The following AASS variants were observed in gnomAD, a reference collection of about 807,000 sequenced individuals.
The protein encoded by AASS is alpha-aminoadipic semialdehyde synthase, mitochondrial.
A neutral mutation model predicts 105.4 loss-of-function variants in AASS; 86 were observed. That is an observed-to-expected ratio of 0.82 (90% CI 0.69 to 0.98). The LOEUF (loss-of-function observed/expected upper bound fraction) is 0.98, where lower values mean the gene tolerates loss of function less well. Among genes scored for constraint, AASS ranks in the 50% least tolerant of loss-of-function variants. The pLI is 0.00. For missense variants in AASS, 1,048 were observed against 1,143.2 expected (o/e 0.92, Z 1.20); for synonymous variants, 381 against 394.8 (o/e 0.96, Z 0.41).
intron 15 of AASS, among the ~76,000 whole-genome samples, chr7:122,093,872 T>G (rs1794021336): frequency 6.6e-6 from 1 of 152,038 alleles, no homozygotes; most frequent in African/African-American, 2.4e-5. Flanking sequence ...GATTAAAAAA[T>G]GTAGTACATA....
intron 19 of AASS, among the ~76,000 whole-genome samples, chr7:122,082,272 A>C (rs1424131529): frequency 3.3e-5 from 5 of 151,886 alleles, no homozygotes; most frequent in African/African-American, 7.3e-5. Flanking sequence ...ATGCTCATCT[A>C]GCCTAACTCA....
intron 18 of AASS, among the ~76,000 whole-genome samples, chr7:122,089,659 C>T (rs1793802695): frequency 6.6e-6 from 1 of 152,112 alleles, no homozygotes; most frequent in Non-Finnish European, 1.5e-5. Context: ...TGTGACCTCA[C>T]TGACTAAGAA....
At chr7:122,104,103 T>G (rs1443284263) in intron 11 of AASS, among the ~76,000 whole-genome samples, 1 of 152,094 alleles carries the variant, frequency 6.6e-6, no homozygotes, top group Non-Finnish European at 1.5e-5. Context: ...AGTAAGTCCT[T>G]GGCATATCAA....
At chr7:122,100,234 C>A (rs2150523243) in intron 13 of AASS, among the ~76,000 whole-genome samples, 1 of 151,956 alleles carries the variant, frequency 6.6e-6, no homozygotes, top group Non-Finnish European at 1.5e-5. Flanking sequence ...AAATATGACA[C>A]ATAAGAGAGA....
chr7:122,075,630 AT>A lies in AASS; in HGVS notation c.*858del, dbSNP rs1234088475. The A allele has an allele frequency of 1.3e-5, 2 of 151,908 alleles. No individual in the cohort carries two copies. The highest frequency in any genetic ancestry group is 2.4e-5 in the African/African-American group (1 of 41,350). The allele number at this position is 151,908 out of a possible 1,614,324, so 9.4% of individuals were successfully genotyped here. A position where few individuals can be genotyped will look rare whatever the true frequency, so the allele number is the denominator to read the frequency against. On this transcript the variant is annotated 3_prime_UTR_variant, in exon 24 of 24. Coordinates refer to ENST00000417368, the MANE Select transcript of AASS (RefSeq NM_005763.4). ...ATTCCTAGTTTGTTGAGGGTTTTTT[AT>A]TTTTTATTTTTTATTGTGAAAGGGT...
chr7:122,119,433 T>C (rs966640092), intron 4 of AASS, among the ~76,000 whole-genome samples: 1 of 152,186 alleles, frequency 6.6e-6, no homozygotes, highest in Non-Finnish European at 1.5e-5. Flanking sequence ...CACCTTTTTA[T>C]GTCTGTCTCA....
In AASS at chr7:122,076,291, G is replaced by C; in HGVS notation, c.*198C>G. 2 of 553,944 alleles carry C rather than the reference G, an allele frequency of 3.6e-6. No homozygotes were observed. Among genetic ancestry groups the C allele is most frequent in the Non-Finnish European group, 6.4e-6 (2 of 312,220 alleles). The allele number at this position is 553,944 out of a possible 1,614,324, so 34.3% of individuals were successfully genotyped here. ...TAAAATACAGGGTAGAATTATTAAA[G>C]TTCTCTGTTAGTGGCTTGCATCTCC... On this transcript the variant is annotated 3_prime_UTR_variant, in exon 24 of 24. Coordinates refer to ENST00000417368, the MANE Select transcript of AASS (RefSeq NM_005763.4).
In AASS at chr7:122,078,849, CT is replaced by C. The variant is rs1234928745; in HGVS notation, c.2485+12del. 4.3e-6 allele frequency: 7 copies of C among 1,609,962 alleles called. No individual in the cohort carries two copies. The highest frequency in any genetic ancestry group is 6.0e-6 in the Non-Finnish European group (7 of 1,176,376). ...CTTCTTTAGGTATATTTAGCTAATA[CT>C]TCATGGCCTACCATAGGAAAGCTTC... is the stretch of plus-strand genomic sequence containing the variant. On this transcript the variant is annotated intron_variant, in intron 22 of 23. Coordinates refer to ENST00000417368, the MANE Select transcript of AASS (RefSeq NM_005763.4).
chr7:122,133,767 G>A, intron 1 of AASS, 26 bp from the exon 2 acceptor site: 1 of 1,592,144 alleles, frequency 6.3e-7, no homozygotes, highest in Non-Finnish European at 8.6e-7. Context: ...AAAGAGCAGA[G>A]CAACAAAAGG....
chr7:122,143,987 T>C (rs370693341), intron 1 of AASS, among the ~76,000 whole-genome samples, 174 bp downstream of exon 1: 1 of 152,012 alleles, frequency 6.6e-6, no homozygotes, highest in African/African-American at 2.4e-5. Flanking sequence ...CTCGCCGCCT[T>C]CTCCCTCTCT....
chr7:122,143,151 T>A (rs1443576381), intron 1 of AASS, among the ~76,000 whole-genome samples: 1 of 152,094 alleles, frequency 6.6e-6, no homozygotes. Flanking sequence ...ATCAGTGTTT[T>A]GGGATTTTTT....
At chr7:122,098,418 A>T (rs750097370) in intron 15 of AASS, 32 bp downstream of exon 15, 4 of 1,610,366 alleles carry the variant, frequency 2.5e-6, no homozygotes, top group Non-Finnish European at 3.4e-6. Context: ...TAACAACAAA[A>T]ATATGAAACT....
intron 11 of AASS, 39 bp from the exon 12 acceptor site, chr7:122,101,719 T>G: frequency 6.9e-7 from 1 of 1,440,822 alleles, no homozygotes; most frequent in Non-Finnish European, 9.8e-7. Flanking sequence ...TAAATGACAC[T>G]GCAAAGAAGG....
intron 20 of AASS, among the ~76,000 whole-genome samples, chr7:122,080,539 A>G (rs1295728270): frequency 1.3e-5 from 2 of 152,162 alleles, no homozygotes; most frequent in Non-Finnish European, 2.9e-5. Context: ...ACTCCTACCC[A>G]ACAAGTAAGT....
At chr7:122,085,821 A>T (rs1584815760) in intron 19 of AASS, among the ~76,000 whole-genome samples, 191 bp downstream of exon 19, 1 of 152,130 alleles carries the variant, frequency 6.6e-6, no homozygotes, top group African/African-American at 2.4e-5. Flanking sequence ...CCAACTCCTA[A>T]TGAGTCAATT....
intron 1 of AASS, among the ~76,000 whole-genome samples, chr7:122,135,615 A>G (rs928770471): frequency 4.6e-5 from 7 of 152,210 alleles, no homozygotes; most frequent in Admixed American, 1.3e-4. Flanking sequence ...GGCAAGGTAT[A>G]TTCTCATGAA....
At position 122,113,170 on chromosome 7, in the gene AASS, A is replaced by G. The variant is rs558549852; in HGVS notation, c.1226T>C (p.Ile409Thr). Residue 409 changes from isoleucine to threonine, a missense_variant, in exon 11 of 24, where the codon ATT (isoleucine) becomes ACT (threonine). Coordinates refer to ENST00000417368, the MANE Select transcript of AASS (RefSeq NM_005763.4). ...SIDNLPAQLP[I>T]EATECFGDML... ...GTCTCCAAAGCATTCTGTAGCTTCA[A>G]TTGGGAGCTGTGCCGGCAAATTGTC... The G allele has an allele frequency of 1.1e-4, 177 of 1,613,948 alleles. No homozygotes were observed. Among genetic ancestry groups the G allele is most frequent in the Non-Finnish European group, 1.4e-4 (160 of 1,179,978 alleles).
At chr7:122,098,334 T>G in intron 15 of AASS, 116 bp downstream of exon 15, 1 of 1,180,658 alleles carries the variant, frequency 8.5e-7, no homozygotes, top group Non-Finnish European at 1.2e-6. Flanking sequence ...GGACCCATAC[T>G]TCAATTAAAA....
At position 122,135,295 on chromosome 7, in the gene AASS, C is replaced by T. The variant is rs370162040; in HGVS notation, c.-15-1554G>A. On this transcript the variant is annotated intron_variant, in intron 1 of 23. Transcript: ENST00000417368. ...TTAAAAAAAAAAAAAGAAAACCAATCGACCAAACAAACCTATTCTTTAACC... is the reference window on the plus strand; with the variant it reads ...TTAAAAAAAAAAAAAGAAAACCAATTGACCAAACAAACCTATTCTTTAACC... Among the ~76,000 whole-genome samples the T allele has an allele frequency of 5.3e-5, 8 of 150,284 alleles. 1 individual carries two copies. Among genetic ancestry groups the T allele is most frequent in the African/African-American group, 2.0e-4 (8 of 40,576 alleles).
Sources: gnomAD v4.1 joint callset for allele counts (sites outside exome capture counted in the v4.1 genomes callset) on GRCh38, gnomAD v4.1.1 for gene constraint, MANE v1.5 for transcripts, NCBI Gene and HGNC (gene_info 2026-07-23, HGNC 2026-07-21) for gene names.